Variants in HEATR5B observed in about 807,000 individuals in gnomAD.
HEATR5B encodes HEAT repeat-containing protein 5B.
In HEATR5B, 156 loss-of-function variants were observed where a neutral mutation model predicts 224.1. That is an observed-to-expected ratio of 0.70 (90% CI 0.61 to 0.80). HEATR5B has a LOEUF of 0.80. Among genes scored for constraint, HEATR5B ranks in the 30% least tolerant of loss-of-function variants. The pLI is 0.00. For missense variants in HEATR5B, 2,323 were observed against 2,535.5 expected, an observed-to-expected ratio of 0.92 and a Z score of 1.80; for synonymous variants, 1,027 against 893.0, an observed-to-expected ratio of 1.15 and a Z score of -2.68.
intron 26 of HEATR5B, among the ~76,000 whole-genome samples, chr2:37,017,918 A>AT (rs1240376878): frequency 1.3e-5 from 2 of 152,088 alleles, no homozygotes; most frequent in African/African-American, 2.4e-5. Flanking sequence ...ACTTTAAATG[A>AT]TTTTTTATTG....
At chr2:37,018,276 G>C (rs888744532) in intron 26 of HEATR5B, among the ~76,000 whole-genome samples, 16 of 152,150 alleles carry the variant, frequency 1.1e-4, no homozygotes, top group African/African-American at 3.4e-4. Context: ...AATTCTAATA[G>C]CCTTTGCTTT....
chr2:37,056,874 T>G (rs2540994), intron 15 of HEATR5B, among the ~76,000 whole-genome samples: 1 of 152,190 alleles, frequency 6.6e-6, no homozygotes, highest in Admixed American at 6.5e-5. Flanking sequence ...GTGAACAATA[T>G]ACACAAGATC....
intron 35 of HEATR5B, among the ~76,000 whole-genome samples, chr2:36,983,495 T>C (rs1215231517): frequency 1.3e-4 from 20 of 151,858 alleles, no homozygotes; most frequent in African/African-American, 4.4e-4. Flanking sequence ...GCCGAGATCG[T>C]GCCATTGCAC....
chr2:37,044,970 C>G (rs1016583359), intron 18 of HEATR5B, among the ~76,000 whole-genome samples: 2 of 152,198 alleles, frequency 1.3e-5, no homozygotes, highest in Admixed American at 1.3e-4. Flanking sequence ...ACAAATACAG[C>G]TGACTGACCT....
At chr2:36,983,091 T>C (rs1665693474) in intron 35 of HEATR5B, among the ~76,000 whole-genome samples, 1 of 152,178 alleles carries the variant, frequency 6.6e-6, no homozygotes, top group Non-Finnish European at 1.5e-5. Flanking sequence ...CTCTTTCTCT[T>C]GGCAACTACC....
In HEATR5B at chr2:37,040,313, C is replaced by T; in HGVS notation, c.3046+16G>A. 6.3e-7 allele frequency: 1 copy of T among 1,593,680 alleles called. No homozygotes were observed. Among genetic ancestry groups the T allele is most frequent in the Non-Finnish European group, 8.6e-7 (1 of 1,166,958 alleles). On this transcript the variant is annotated intron_variant, in intron 20 of 35. Coordinates refer to ENST00000233099, the MANE Select transcript of HEATR5B (RefSeq NM_019024.3). ...ATTATCTAACTAGGTTCCTTAATTT[C>T]AGATGATTTACTTACCTTGTAGTTC...
rs1671741555 is a variant in HEATR5B, at chr2:37,068,897, G to A, written c.961C>T (p.Gln321Ter). Residue 321 changes from glutamine (Q) to a stop codon, truncating the protein, a stop_gained, in exon 8 of 36, where the codon CAG becomes TAG. Transcript: ENST00000233099. LOFTEE classifies it high-confidence loss of function. The part of the protein sequence containing the change: ...YVVFVTTLGG[Q>*]WLERSFATFL... ...GTGGCAAAGCTGCGCTCCAACCACT[G>A]ACCACCCAATGTTGTCACAAAAACA... The A allele has an allele frequency of 6.2e-7, 1 of 1,613,878 alleles. No homozygotes were observed. Among genetic ancestry groups the A allele is most frequent in the Non-Finnish European group, 8.5e-7 (1 of 1,179,952 alleles).
rs1447963293 is a variant in HEATR5B, at chr2:37,057,443, T to C, written c.2097A>G (p.Glu699=). ...FNALLRELVA[E]FTLTDNSANT... ...TGGCTGAGTTGTCAGTCAAAGTGAA[T>C]TCCGCTACCAGTTCTCTAAGAAGTG... The change falls in exon 15 of 36, where the codon GAA becomes GAG. Residue 699 remains glutamate (E), a synonymous_variant. Coordinates refer to ENST00000233099, the MANE Select transcript of HEATR5B (RefSeq NM_019024.3). 5.6e-6 allele frequency: 9 copies of C among 1,610,840 alleles called. No individual in the cohort carries two copies. The highest frequency in any genetic ancestry group is 6.8e-6 in the Non-Finnish European group (8 of 1,178,656).
intron 8 of HEATR5B, among the ~76,000 whole-genome samples, chr2:37,067,044 A>ATT (rs199872675): frequency 6.6e-6 from 1 of 151,774 alleles, no homozygotes; most frequent in Non-Finnish European, 1.5e-5. Context: ...TAATTTTTGT[A>ATT]TTTTTTAATA....
intron 9 of HEATR5B, among the ~76,000 whole-genome samples, chr2:37,065,471 G>A (rs1422370294): frequency 1.3e-5 from 2 of 151,918 alleles, no homozygotes; most frequent in East Asian, 1.9e-4. Context: ...ACCACAGCTG[G>A]CTAATTTCTG....
chr2:37,044,574 G>A (rs1390560197), intron 18 of HEATR5B, among the ~76,000 whole-genome samples: 1 of 152,154 alleles, frequency 6.6e-6, no homozygotes, highest in African/African-American at 2.4e-5. Flanking sequence ...AAAAGTTTGA[G>A]TACAAGTGTT....
At chr2:37,063,388 T>C (rs1671401007) in intron 10 of HEATR5B, among the ~76,000 whole-genome samples, 1 of 152,180 alleles carries the variant, frequency 6.6e-6, no homozygotes, top group Admixed American at 6.5e-5. Context: ...ACAGGAAATT[T>C]GAATGAACGG....
At position 37,013,822 on chromosome 2, in the gene HEATR5B, A is replaced by C. The variant is rs1222447933; in HGVS notation, c.4284+19T>G. 9 of 1,534,062 alleles carry C rather than the reference A, an allele frequency of 5.9e-6. No homozygotes were observed. The highest frequency in any genetic ancestry group is 4.1e-5 in the African/African-American group (3 of 72,314). ...TGAAGAAATGGGTCAAAAACAATAGATTGTGGTTTAGTCGTTACCTCTGCC... is the reference window on the plus strand; with the variant it reads ...TGAAGAAATGGGTCAAAAACAATAGCTTGTGGTTTAGTCGTTACCTCTGCC... On this transcript the variant is annotated intron_variant, in intron 27 of 35. Coordinates refer to ENST00000233099, the MANE Select transcript of HEATR5B (RefSeq NM_019024.3).
Position 37,007,180 on chromosome 2 carries a change from A to G in HEATR5B, c.4647T>C (p.Ser1549=), listed in dbSNP as rs1456555748. The change falls in exon 29 of 36, where the codon TCT becomes TCC. Residue 1549 remains serine (S), a synonymous_variant. Coordinates refer to ENST00000233099, the MANE Select transcript of HEATR5B (RefSeq NM_019024.3). ...AACCAGATATTGCTGCTGCTTCTGT[A>G]GACTCTGAGCACGTAAATCCTGTGC... ...LNSTGFTCSE[S]TEAAAISGLQ... The G allele has an allele frequency of 1.2e-6, 2 of 1,614,012 alleles. No individual in the cohort carries two copies. The highest frequency in any genetic ancestry group is 3.3e-5 in the Admixed American group (2 of 59,988).
At chr2:36,991,200 G>T (rs1228754378) in intron 33 of HEATR5B, among the ~76,000 whole-genome samples, 1 of 152,022 alleles carries the variant, frequency 6.6e-6, no homozygotes. Context: ...TTTCAATTTA[G>T]TAAATATGAA....
Position 37,083,422 on chromosome 2 carries a change from G to A in HEATR5B, c.-8C>T, listed in dbSNP as rs762189851. On this transcript the variant is annotated 5_prime_UTR_variant, in exon 2 of 36. Transcript: ENST00000233099. ...ACTGTGGGCTAACTCCATTACGGAA[G>A]TTTGAAATTCACACCTTAAATTTAA... 1 of 1,608,332 alleles carries A rather than the reference G, an allele frequency of 6.2e-7. No individual in the cohort carries two copies. Among genetic ancestry groups the A allele is most frequent in the Non-Finnish European group, 8.5e-7 (1 of 1,177,292 alleles).
chr2:37,049,319 A>T (rs944649014), intron 18 of HEATR5B, among the ~76,000 whole-genome samples: 1 of 152,232 alleles, frequency 6.6e-6, no homozygotes, highest in Non-Finnish European at 1.5e-5. Context: ...AGGGACAAGG[A>T]AAGGGAGGGA....
chr2:37,041,044 C>A, intron 19 of HEATR5B, 89 bp downstream of exon 19: 1 of 1,066,294 alleles, frequency 9.4e-7, no homozygotes, highest in Non-Finnish European at 1.4e-6. Flanking sequence ...GTCCTAACAA[C>A]TTACCACGGT....
intron 18 of HEATR5B, among the ~76,000 whole-genome samples, chr2:37,042,844 A>T (rs1230999953): frequency 1.3e-5 from 2 of 150,046 alleles, no homozygotes; most frequent in Non-Finnish European, 3.0e-5. Flanking sequence ...GAGAGCCAAG[A>T]TCGCGCCACT....
Sources: gnomAD v4.1 joint callset for allele counts (sites outside exome capture counted in the v4.1 genomes callset) on GRCh38, gnomAD v4.1.1 for gene constraint, MANE v1.5 for transcripts, NCBI Gene and HGNC (gene_info 2026-07-23, HGNC 2026-07-21) for gene names.